Variants in PLXNA2 observed in about 807,000 individuals in gnomAD.
PLXNA2 encodes the protein plexin A2.
In PLXNA2, 91 loss-of-function variants were observed where a neutral mutation model predicts 193.5. The observed-to-expected ratio is 0.47, with a 90% CI of 0.40 to 0.56. The LOEUF is 0.56. Ranked by LOEUF, PLXNA2 falls within the 20% of genes least tolerant of loss-of-function variation. The pLI, the probability that PLXNA2 is intolerant of heterozygous loss-of-function variation, is 0.00. For synonymous variants in PLXNA2, 997 were observed against 1,027.3 expected (o/e 0.97, Z 0.56); for missense variants, 1,995 against 2,503.2 (o/e 0.80, Z 4.33).
chr1:208,195,942 C>T (rs76036292), intron 3 of PLXNA2, among the ~76,000 whole-genome samples: 1,772 of 149,562 alleles, frequency 0.012, 12 homozygotes, highest in Middle Eastern at 0.038. Flanking sequence ...CATTAGACTA[C>T]GGGAAAGACT....
chr1:208,150,284 A>T (rs1668718941), intron 3 of PLXNA2, among the ~76,000 whole-genome samples: 1 of 152,178 alleles, frequency 6.6e-6, no homozygotes, highest in South Asian at 2.1e-4. Context: ...CTGGAGATTG[A>T]CATTTCCATG....
chr1:208,039,591 A>G (rs1284876424), intron 24 of PLXNA2, 30 bp downstream of exon 24: 1 of 1,611,470 alleles, frequency 6.2e-7, no homozygotes. Context: ...GAAGATACAC[A>G]GGCGGGCCCG....
chr1:208,072,036 C>G (rs911117437), intron 12 of PLXNA2, among the ~76,000 whole-genome samples: 9 of 152,210 alleles, frequency 5.9e-5, no homozygotes, highest in Admixed American at 1.3e-4. Flanking sequence ...AAGTGGAGAA[C>G]AGGAGCCAGC....
chr1:208,107,575 G>A (rs1300318440), intron 4 of PLXNA2, among the ~76,000 whole-genome samples: 5 of 152,168 alleles, frequency 3.3e-5, no homozygotes, highest in Admixed American at 1.3e-4. Context: ...GGGCTGGGTC[G>A]GGTGGGGAGG....
At chr1:208,037,385 C>A (rs1238834286) in intron 26 of PLXNA2, among the ~76,000 whole-genome samples, 2 of 152,152 alleles carry the variant, frequency 1.3e-5, no homozygotes, top group Non-Finnish European at 2.9e-5. Context: ...CCTCTGTGCC[C>A]ATGGAGGCTC....
intron 9 of PLXNA2, among the ~76,000 whole-genome samples, chr1:208,085,089 T>C (rs1181396625): frequency 3.3e-5 from 5 of 151,830 alleles, no homozygotes; most frequent in African/African-American, 1.2e-4. Context: ...GCTCTGTTTT[T>C]TTTTTTTTTT....
intron 4 of PLXNA2, among the ~76,000 whole-genome samples, chr1:208,134,255 A>C (rs1429793842): frequency 6.6e-6 from 1 of 152,226 alleles, no homozygotes; most frequent in African/African-American, 2.4e-5. Context: ...TCCGATGAGA[A>C]TATTAATAGC....
intron 4 of PLXNA2, among the ~76,000 whole-genome samples, chr1:208,120,750 C>G (rs1245424681): frequency 1.3e-5 from 2 of 152,160 alleles, no homozygotes; most frequent in Non-Finnish European, 2.9e-5. Context: ...AGAGTTCTGG[C>G]CTGGTGGACT....
chr1:208,147,386 G>A (rs1389784984), intron 3 of PLXNA2, among the ~76,000 whole-genome samples: 3 of 152,138 alleles, frequency 2.0e-5, no homozygotes, highest in African/African-American at 7.2e-5. Context: ...ACTATAGAAT[G>A]GGTGACTATA....
intron 9 of PLXNA2, 123 bp from the exon 10 acceptor site, chr1:208,084,703 G>C (rs139020306): frequency 1.2e-6 from 1 of 848,484 alleles, no homozygotes; most frequent in Non-Finnish European, 1.8e-6. Flanking sequence ...CTCATGTAAG[G>C]CCCGTGGAAT....
chr1:208,077,576 A>G (rs1375295237), intron 12 of PLXNA2, among the ~76,000 whole-genome samples: 1 of 152,110 alleles, frequency 6.6e-6, no homozygotes, highest in Admixed American at 6.5e-5. Flanking sequence ...AGATGTAGAG[A>G]CTGACAACTG....
At chr1:208,171,760 G>A (rs902268592) in intron 3 of PLXNA2, among the ~76,000 whole-genome samples, 1 of 152,098 alleles carries the variant, frequency 6.6e-6, no homozygotes, top group South Asian at 2.1e-4. Context: ...GGAAGCTGAG[G>A]TGAGAGGATC....
intron 5 of PLXNA2, 112 bp from the exon 6 acceptor site, chr1:208,099,081 T>C: frequency 7.4e-7 from 1 of 1,349,822 alleles, no homozygotes; most frequent in Non-Finnish European, 1.0e-6. Flanking sequence ...TGTCCTGTCT[T>C]CTCAAGAAGA....
At chr1:208,223,410 T>C (rs769659285) in intron 1 of PLXNA2, among the ~76,000 whole-genome samples, 27 of 152,166 alleles carry the variant, frequency 1.8e-4, no homozygotes, top group Non-Finnish European at 3.4e-4. Context: ...CGTTTTGCCT[T>C]CAGGCTGTCC....
chr1:208,027,348 A>G lies in PLXNA2; in HGVS notation c.5590-10T>C. The G allele has an allele frequency of 1.2e-6, 2 of 1,609,838 alleles. No individual in the cohort carries two copies. The highest frequency in any genetic ancestry group is 1.7e-6 in the Non-Finnish European group (2 of 1,178,652). On this transcript the variant is annotated splice_polypyrimidine_tract_variant and intron_variant, in intron 31 of 31. Transcript: ENST00000367033. The stretch of plus-strand genomic sequence containing the variant: ...CTAGGGCCCCGATGAGCTGAGGAGC[A>G]AAAACAAAGGCAGGAAGACTTCAGG...
At chr1:208,119,489 C>A (rs7540266) in intron 4 of PLXNA2, among the ~76,000 whole-genome samples, 145,747 of 152,326 alleles carry the variant, frequency 0.96, 70,056 homozygotes, top group East Asian at 1. Flanking sequence ...CTAAGTGATA[C>A]GGAAAGGTGA....
At chr1:208,158,889 TC>T (rs1004235523) in intron 3 of PLXNA2, among the ~76,000 whole-genome samples, 2 of 152,188 alleles carry the variant, frequency 1.3e-5, no homozygotes, top group Non-Finnish European at 2.9e-5. Flanking sequence ...GCTTTCAAGA[TC>T]CTCCCTGTGG....
At chr1:208,181,788 T>C (rs1669850854) in intron 3 of PLXNA2, among the ~76,000 whole-genome samples, 1 of 152,190 alleles carries the variant, frequency 6.6e-6, no homozygotes, top group African/African-American at 2.4e-5. Flanking sequence ...AGTGGCGGAA[T>C]ACAGAGCGAT....
intron 12 of PLXNA2, among the ~76,000 whole-genome samples, chr1:208,072,058 A>G (rs1263358438): frequency 6.6e-6 from 1 of 152,240 alleles, no homozygotes; most frequent in African/African-American, 2.4e-5. Context: ...GGAGTGATGG[A>G]TCATCTCAAA....
Sources: gnomAD v4.1 joint callset for allele counts (sites outside exome capture counted in the v4.1 genomes callset) on GRCh38, gnomAD v4.1.1 for gene constraint, MANE v1.5 for transcripts, NCBI Gene and HGNC (gene_info 2026-07-23, HGNC 2026-07-21) for gene names.